GLIS3: variants seen among roughly 807,000 people sequenced by gnomAD.
GLIS3 encodes the protein GLIS family zinc finger 3.
A neutral mutation model predicts 78.6 loss-of-function variants in GLIS3; 53 were observed. The ratio of observed to expected loss-of-function variants is 0.67; its 90% confidence interval spans 0.54 to 0.85. The LOEUF (loss-of-function observed/expected upper bound fraction) is 0.85, where lower values mean the gene tolerates loss of function less well. Among genes scored for constraint, GLIS3 ranks in the 40% least tolerant of loss-of-function variants. GLIS3 has a pLI of 0.00. For missense variants in GLIS3, 1,703 were observed against 1,231.1 expected, an observed-to-expected ratio of 1.38 and a Z score of -5.74; for synonymous variants, 684 against 509.9, an observed-to-expected ratio of 1.34 and a Z score of -4.60.
intron 9 of GLIS3, among the ~76,000 whole-genome samples, chr9:3,840,273 A>G (rs934195616): frequency 1.3e-5 from 2 of 152,320 alleles, no homozygotes; most frequent in South Asian, 4.1e-4. Flanking sequence ...TACTACCATT[A>G]AGTATAAAAT....
intron 4 of GLIS3, among the ~76,000 whole-genome samples, chr9:4,057,119 T>C (rs1826216795): frequency 6.6e-6 from 1 of 152,144 alleles, no homozygotes; most frequent in African/African-American, 2.4e-5. Flanking sequence ...TGCAGCTTCA[T>C]GAAGCGTCAA....
chr9:4,062,442 G>A (rs1440351794), intron 4 of GLIS3, among the ~76,000 whole-genome samples: 2 of 152,118 alleles, frequency 1.3e-5, no homozygotes, highest in African/African-American at 2.4e-5. Flanking sequence ...AAATATCCAA[G>A]GCAGAGATAG....
intron 2 of GLIS3, among the ~76,000 whole-genome samples, chr9:4,220,136 T>C (rs543627933): frequency 6.6e-6 from 1 of 152,322 alleles, no homozygotes; most frequent in East Asian, 1.9e-4. Flanking sequence ...AAAATAACTA[T>C]TGATAACAAT....
chr9:4,483,828 C>T, the GLIS3 span, among the ~76,000 whole-genome samples: 1 of 151,896 alleles, frequency 6.6e-6, no homozygotes, highest in South Asian at 2.1e-4. Context: ...AAAACTTACA[C>T]AAGGAGCTGA....
the GLIS3 span, among the ~76,000 whole-genome samples, chr9:4,463,189 A>T: frequency 3.3e-5 from 5 of 152,230 alleles, no homozygotes; most frequent in African/African-American, 1.2e-4. Flanking sequence ...TTTTCCTTAG[A>T]AGCAATTTTA....
intron 6 of GLIS3, among the ~76,000 whole-genome samples, chr9:3,910,740 G>C (rs1824082051): frequency 6.6e-6 from 1 of 152,216 alleles, no homozygotes; most frequent in African/African-American, 2.4e-5. Flanking sequence ...TTCCTGAGTA[G>C]AGTTTCCTTT....
chr9:4,093,574 G>A (rs1247708529), intron 4 of GLIS3, among the ~76,000 whole-genome samples: 2 of 152,154 alleles, frequency 1.3e-5, no homozygotes, highest in African/African-American at 2.4e-5. Context: ...AACTGGCAAG[G>A]AGCAAATGCT....
chr9:4,128,273 C>G (rs949070555), intron 2 of GLIS3, among the ~76,000 whole-genome samples: 1 of 152,218 alleles, frequency 6.6e-6, no homozygotes, highest in African/African-American at 2.4e-5. Context: ...GATCTGACCA[C>G]TGCTTCTTTC....
At chr9:4,099,462 C>T (rs1564047453) in intron 4 of GLIS3, among the ~76,000 whole-genome samples, 3 of 151,774 alleles carry the variant, frequency 2.0e-5, no homozygotes, top group Non-Finnish European at 4.4e-5. Flanking sequence ...CCAATGCACA[C>T]ATGTCTTTGT....
intron 4 of GLIS3, among the ~76,000 whole-genome samples, chr9:3,991,753 G>T (rs576023484): frequency 4.7e-4 from 67 of 142,900 alleles, no homozygotes; most frequent in South Asian, 1.8e-3. Context: ...TGCAGTGGTG[G>T]GATCTCGGCT....
chr9:4,435,057 G>A, the GLIS3 span, among the ~76,000 whole-genome samples: 1 of 152,200 alleles, frequency 6.6e-6, no homozygotes, highest in Non-Finnish European at 1.5e-5. Context: ...TACAGCAGAA[G>A]CTTCAACGTT....
the GLIS3 span, among the ~76,000 whole-genome samples, chr9:4,424,199 T>C: frequency 1.3e-5 from 2 of 152,196 alleles, no homozygotes; most frequent in African/African-American, 2.4e-5. Context: ...AGGAAGAACT[T>C]TGGACTTAAA....
chr9:4,193,144 G>A (rs1370935337), intron 2 of GLIS3, among the ~76,000 whole-genome samples: 2 of 152,240 alleles, frequency 1.3e-5, no homozygotes, highest in African/African-American at 2.4e-5. Context: ...CTGGTAACCA[G>A]GTAGAACTTG....
At chr9:3,913,283 G>C (rs1824271156) in intron 6 of GLIS3, among the ~76,000 whole-genome samples, 1 of 152,188 alleles carries the variant, frequency 6.6e-6, no homozygotes, top group Non-Finnish European at 1.5e-5. Flanking sequence ...TCTAAAAGTT[G>C]AAGACTGTCG....
At chr9:4,358,473 TTGG>T in the GLIS3 span, among the ~76,000 whole-genome samples, 26 of 152,332 alleles carry the variant, frequency 1.7e-4, no homozygotes, top group Middle Eastern at 3.4e-3. Context: ...GGTAGTATAA[TTGG>T]TGGTGATGTT....
At chr9:3,894,149 T>C (rs1313917745) in intron 7 of GLIS3, among the ~76,000 whole-genome samples, 1 of 152,266 alleles carries the variant, frequency 6.6e-6, no homozygotes, top group Non-Finnish European at 1.5e-5. Context: ...ATTGTTCTGC[T>C]GCTTTTTCAC....
intron 4 of GLIS3, among the ~76,000 whole-genome samples, chr9:3,941,115 G>A (rs1390688555): frequency 1.3e-5 from 2 of 152,180 alleles, no homozygotes; most frequent in African/African-American, 4.8e-5. Flanking sequence ...TACAGTGTGA[G>A]CAGGTGAGTT....
chr9:4,090,571 G>A (rs540832663), intron 4 of GLIS3, among the ~76,000 whole-genome samples: 2 of 152,146 alleles, frequency 1.3e-5, no homozygotes, highest in South Asian at 4.1e-4. Context: ...TGGACCACCT[G>A]GTCCAAGACA....
At position 4,321,334 on chromosome 9, in the gene GLIS3, A is replaced by G. The variant is rs1479811308; in HGVS notation, n.265-10806T>C. 1.6e-5 allele frequency among the ~76,000 whole-genome samples: 2 copies of G among 125,214 alleles called. 1 individual carries two copies. Among genetic ancestry groups the G allele is most frequent in the Non-Finnish European group, 3.1e-5 (2 of 64,856 alleles). 82.1% of individuals were successfully genotyped at this position (125,214 alleles called of 152,430 possible). A position where few individuals can be genotyped will look rare whatever the true frequency, so the allele number is the denominator to read the frequency against. Reference sequence around the variant, plus strand: ...CTACTCGGGAGGCTGAGGCAGGAGAATGGCGTGAACCCAGGAGGCGGAGCT... The same window carrying G: ...CTACTCGGGAGGCTGAGGCAGGAGAGTGGCGTGAACCCAGGAGGCGGAGCT... On this transcript the variant is annotated intron_variant and non_coding_transcript_variant, in intron 2 of 4. Coordinates refer to the GLIS3 transcript ENST00000471664.
Sources: gnomAD v4.1 joint callset for allele counts (sites outside exome capture counted in the v4.1 genomes callset) on GRCh38, gnomAD v4.1.1 for gene constraint, MANE v1.5 for transcripts, NCBI Gene and HGNC (gene_info 2026-07-23, HGNC 2026-07-21) for gene names.